The following SLIT2 variants were observed in gnomAD, a reference collection of about 807,000 sequenced individuals.
SLIT2 encodes the protein slit guidance ligand 2.
SLIT2 carries 41 observed loss-of-function variants against 185.7 expected under a neutral mutation model. The ratio of observed to expected loss-of-function variants is 0.22; its 90% CI spans 0.17 to 0.29. The LOEUF is 0.29. Among genes scored for constraint, SLIT2 ranks in the 10% least tolerant of loss-of-function variants. The pLI is 1.00. For missense variants in SLIT2, 1,571 were observed against 1,909.0 expected (o/e 0.82, Z 3.30); for synonymous variants, 693 against 680.2 (o/e 1.02, Z -0.29).
rs1721461246 is a variant in SLIT2 at position 20,528,152 on chromosome 4, A to C, written c.1463-797A>C. ...GTAGTAATACTCTTACTGTGGTCATAAACATTCTGCGGGAAGAATGCATGT... is the reference window on the plus strand; with the variant it reads ...GTAGTAATACTCTTACTGTGGTCATCAACATTCTGCGGGAAGAATGCATGT... On this transcript the variant is annotated intron_variant, in intron 15 of 36. Transcript: ENST00000504154. This position sits in a 1 kb window ranked among gnomAD's most constrained non-coding sequence, Gnocchi z 4.2. 1.3e-5 allele frequency: 6 copies of C among 466,554 alleles called. No individual in the cohort carries two copies. The highest frequency in any genetic ancestry group is 7.9e-5 in the South Asian group (5 of 63,558). 28.9% of individuals were successfully genotyped at this position (466,554 alleles called of 1,614,324 possible).
chr4:20,558,940 A>C (rs914451556), intron 26 of SLIT2, among the ~76,000 whole-genome samples: 1 of 152,028 alleles, frequency 6.6e-6, no homozygotes, highest in Non-Finnish European at 1.5e-5. Context: ...TGAAATATAC[A>C]TGCATGTCTA....
chr4:20,521,781 C>T (rs1720862684), intron 12 of SLIT2, among the ~76,000 whole-genome samples: 1 of 151,992 alleles, frequency 6.6e-6, no homozygotes, highest in African/African-American at 2.4e-5. Flanking sequence ...CATCACTTTG[C>T]ATGTTGCTGA....
At chr4:20,396,513 G>A (rs1220829579) in intron 4 of SLIT2, among the ~76,000 whole-genome samples, 1 of 151,684 alleles carries the variant, frequency 6.6e-6, no homozygotes, top group African/African-American at 2.4e-5. Context: ...GTTTCTGGGT[G>A]TTGTTATTAC....
Position 20,287,991 on chromosome 4 carries a change from A to G in SLIT2, c.395+19110A>G, listed in dbSNP as rs537779732. Among the ~76,000 whole-genome samples, 164 of 152,312 alleles carry G rather than the reference A, an allele frequency of 1.1e-3. 2 individuals carry two copies. In the South Asian group the frequency reaches 0.025, roughly 24 times the overall value. ...TTGAAACAGAAAACTTGCTTTTGAA[A>G]TGAAACAAAATTTCAGTAACATGGT... On this transcript the variant is annotated intron_variant, in intron 4 of 36. Coordinates refer to ENST00000504154, the MANE Select transcript of SLIT2 (RefSeq NM_004787.4).
chr4:20,305,872 AAATAATAATAATAATAAT>A (rs56164214), intron 4 of SLIT2, among the ~76,000 whole-genome samples: 82 of 136,478 alleles, frequency 6.0e-4, no homozygotes, highest in South Asian at 2.5e-3. Context: ...GACTGTCTCA[AAATAATAATAATAATAAT>A]AATAATAATA....
Position 20,360,772 on chromosome 4 carries a change from A to G in SLIT2, c.395+91891A>G, listed in dbSNP as rs554376751. Reference sequence around the variant, plus strand: ...ACATACTATTCTTTCAGAAGCAATAACAGTTGTAAGAGATTATTTTTTAAA... The same window carrying G: ...ACATACTATTCTTTCAGAAGCAATAGCAGTTGTAAGAGATTATTTTTTAAA... On this transcript the variant is annotated intron_variant, in intron 4 of 36. Coordinates refer to ENST00000504154, the MANE Select transcript of SLIT2 (RefSeq NM_004787.4). 3.3e-5 allele frequency among the ~76,000 whole-genome samples: 5 copies of G among 152,274 alleles called. No homozygotes were observed. In the South Asian group the frequency reaches 1.0e-3, roughly 32 times the overall value.
At chr4:20,296,073 A>G (rs1000126758) in intron 4 of SLIT2, among the ~76,000 whole-genome samples, 1 of 152,258 alleles carries the variant, frequency 6.6e-6, no homozygotes, top group Admixed American at 6.5e-5. Context: ...CCTTTTACAT[A>G]CTGTAGATAT....
intron 25 of SLIT2, 114 bp downstream of exon 25, chr4:20,551,012 A>ATCT: frequency 1.9e-6 from 1 of 538,254 alleles, no homozygotes; most frequent in South Asian, 3.2e-5. Context: ...AATTGGTTTC[A>ATCT]TCTTTAAAGA....
intron 19 of SLIT2, 101 bp from the exon 20 acceptor site, chr4:20,541,352 C>A: frequency 3.2e-6 from 3 of 943,986 alleles, no homozygotes; most frequent in Non-Finnish European, 4.8e-6. Flanking sequence ...AAGAAGGAAT[C>A]ATTCCAGCGG....
intron 4 of SLIT2, among the ~76,000 whole-genome samples, chr4:20,446,186 G>T (rs1711776820): frequency 6.6e-6 from 1 of 152,198 alleles, no homozygotes; most frequent in South Asian, 2.1e-4. Flanking sequence ...ACTTAAGGCA[G>T]TTTGTCTCTG....
intron 11 of SLIT2, among the ~76,000 whole-genome samples, chr4:20,515,276 G>A (rs908646908): frequency 5.3e-5 from 8 of 152,140 alleles, no homozygotes; most frequent in African/African-American, 1.7e-4. Flanking sequence ...TATGGCCATG[G>A]CAAATTCATC....
At position 20,254,825 on chromosome 4, in the gene SLIT2, T is replaced by G; in HGVS notation, c.179+831T>G. 1 of 426,880 alleles carries G rather than the reference T, an allele frequency of 2.3e-6. No homozygotes were observed. Among genetic ancestry groups the G allele is most frequent in the Non-Finnish European group, 4.7e-6 (1 of 212,290 alleles). The allele number at this position is 426,880 out of a possible 1,614,324, so 26.4% of individuals were successfully genotyped here. A position where few individuals can be genotyped will look rare whatever the true frequency, so the allele number is the denominator to read the frequency against. The stretch of plus-strand genomic sequence containing the variant: ...CTGAACCCCTGCGTCCCCATCCACC[T>G]TTCTGGCAGTTTCTGCGCCCCTTCA... On this transcript the variant is annotated intron_variant, in intron 1 of 36. Coordinates refer to ENST00000504154, the MANE Select transcript of SLIT2 (RefSeq NM_004787.4). The surrounding 1 kb of genome is among the most constrained non-coding windows in gnomAD (Gnocchi z 5.1).
chr4:20,579,477 G>A (rs1577962443), intron 29 of SLIT2, among the ~76,000 whole-genome samples: 1 of 152,024 alleles, frequency 6.6e-6, no homozygotes, highest in Non-Finnish European at 1.5e-5. Flanking sequence ...CAGTTTCTAG[G>A]CCGGGATGCT....
At chr4:20,274,329 A>G (rs2109040735) in intron 4 of SLIT2, among the ~76,000 whole-genome samples, 1 of 152,304 alleles carries the variant, frequency 6.6e-6, no homozygotes, top group Admixed American at 6.5e-5. Context: ...GCATTTAAAA[A>G]AATTACCACT....
At chr4:20,469,756 T>TC (rs1340791297) in intron 5 of SLIT2, among the ~76,000 whole-genome samples, 1 of 141,482 alleles carries the variant, frequency 7.1e-6, no homozygotes, top group Non-Finnish European at 1.5e-5. Context: ...TTTTACTTTT[T>TC]TTTTTTTTTT....
chr4:20,363,199 CA>C (rs1295908766), intron 4 of SLIT2, among the ~76,000 whole-genome samples: 1 of 152,034 alleles, frequency 6.6e-6, no homozygotes, highest in African/African-American at 2.4e-5. Flanking sequence ...TTAGAGAATA[CA>C]AATATTTGTG....
chr4:20,409,892 TC>T (rs1727080241), intron 4 of SLIT2, among the ~76,000 whole-genome samples: 1 of 152,234 alleles, frequency 6.6e-6, no homozygotes, highest in Non-Finnish European at 1.5e-5. Context: ...TCTATTCATG[TC>T]CTTTGACCAC....
At chr4:20,369,842 C>T (rs182416653) in intron 4 of SLIT2, among the ~76,000 whole-genome samples, 2 of 152,226 alleles carry the variant, frequency 1.3e-5, no homozygotes, top group African/African-American at 4.8e-5. Flanking sequence ...ACCCTCTTGC[C>T]TGAAGGTCTT....
At chr4:20,600,883 T>C (rs1279051790) in intron 33 of SLIT2, among the ~76,000 whole-genome samples, 1 of 151,472 alleles carries the variant, frequency 6.6e-6, no homozygotes, top group Admixed American at 6.6e-5. Context: ...AATTCAGATA[T>C]GTAGATATGT....
Sources: gnomAD v4.1 joint callset for allele counts (sites outside exome capture counted in the v4.1 genomes callset) on GRCh38, gnomAD v4.1.1 for gene constraint, Gnocchi (gnomAD v3.1) non-coding constraint, MANE v1.5 for transcripts, NCBI Gene and HGNC (gene_info 2026-07-23, HGNC 2026-07-21) for gene names.